ULK4: variants seen among roughly 807,000 people sequenced by gnomAD.
The protein encoded by ULK4 is inactive serine/threonine-protein kinase ULK4.
ULK4 carries 133 observed loss-of-function variants against 160.6 expected under a neutral mutation model. That is an observed-to-expected ratio of 0.83 (90% CI 0.72 to 0.96). ULK4 has a LOEUF of 0.96. Ranked by LOEUF, ULK4 falls within the 40% of genes least tolerant of loss-of-function variation. The pLI is 0.00. For synonymous variants in ULK4, 534 were observed against 539.8 expected (o/e 0.99, Z 0.15); for missense variants, 1,580 against 1,499.5 (o/e 1.05, Z -0.89).
chr3:41,474,248 T>C (rs1297082024), intron 32 of ULK4, among the ~76,000 whole-genome samples: 1 of 152,064 alleles, frequency 6.6e-6, no homozygotes, highest in Non-Finnish European at 1.5e-5. Flanking sequence ...CAAGAACATA[T>C]AATAGGGAAA....
chr3:41,513,032 A>G (rs2085640313), intron 32 of ULK4, among the ~76,000 whole-genome samples: 1 of 152,174 alleles, frequency 6.6e-6, no homozygotes, highest in Non-Finnish European at 1.5e-5. Context: ...GCAAACAAAA[A>G]AACAGAAAGT....
intron 27 of ULK4, among the ~76,000 whole-genome samples, chr3:41,702,830 AGTTTTTTTTGTTTGTTTTTTTTTGGTTTT>A (rs2036722611): frequency 1.3e-5 from 2 of 151,042 alleles, no homozygotes; most frequent in Non-Finnish European, 2.9e-5. Context: ...AAAATTAGTA[AGTTTTTTTTGTTTGTTTTTTTTTGGTTTT>A]GTTTTTTTTT....
At chr3:41,857,146 GCTGA>G (rs1282619252) in intron 17 of ULK4, among the ~76,000 whole-genome samples, 6 of 152,024 alleles carry the variant, frequency 3.9e-5, no homozygotes, top group East Asian at 3.9e-4. Context: ...CATAAACTAG[GCTGA>G]CTAACTTCTT....
At chr3:41,563,344 G>T (rs1393533717) in intron 32 of ULK4, among the ~76,000 whole-genome samples, 2 of 152,118 alleles carry the variant, frequency 1.3e-5, no homozygotes, top group Non-Finnish European at 2.9e-5. Context: ...TCTTGGGGTT[G>T]CTCTTCTCAA....
chr3:41,655,618 G>T (rs929427409), intron 30 of ULK4, among the ~76,000 whole-genome samples: 1 of 152,084 alleles, frequency 6.6e-6, no homozygotes, highest in Non-Finnish European at 1.5e-5. Flanking sequence ...AAGGCAGAAG[G>T]ATTGCTTGGG....
intron 30 of ULK4, among the ~76,000 whole-genome samples, chr3:41,632,642 G>A (rs527968207): frequency 3.6e-4 from 54 of 152,016 alleles, no homozygotes; most frequent in Admixed American, 6.6e-4. Context: ...AGTGCAACCC[G>A]TAATGACAAT....
intron 31 of ULK4, among the ~76,000 whole-genome samples, chr3:41,574,297 C>T (rs2088105665): frequency 6.6e-6 from 1 of 152,100 alleles, no homozygotes; most frequent in African/African-American, 2.4e-5. Context: ...CACAGCTTGC[C>T]CAGCCACCAG....
At chr3:41,471,820 C>A (rs934494464) in intron 32 of ULK4, among the ~76,000 whole-genome samples, 2 of 149,478 alleles carry the variant, frequency 1.3e-5, no homozygotes, top group Admixed American at 1.3e-4. Context: ...AATGGAGATA[C>A]AAAATTCTAA....
intron 35 of ULK4, among the ~76,000 whole-genome samples, chr3:41,360,774 A>G (rs2081127288): frequency 1.3e-5 from 2 of 152,110 alleles, no homozygotes; most frequent in African/African-American, 2.4e-5. Flanking sequence ...CAGAGGGTGA[A>G]GGCTGGAAGG....
At chr3:41,748,184 G>C (rs1007442208) in intron 22 of ULK4, among the ~76,000 whole-genome samples, 2 of 149,022 alleles carry the variant, frequency 1.3e-5, no homozygotes, top group Non-Finnish European at 3.0e-5. Context: ...ACACACCATA[G>C]AGACGTATAT....
At chr3:41,874,623 CG>C (rs1697229798) in intron 17 of ULK4, among the ~76,000 whole-genome samples, 1 of 152,108 alleles carries the variant, frequency 6.6e-6, no homozygotes, top group African/African-American at 2.4e-5. Context: ...ATCCAAATAT[CG>C]TATGTTCCCA....
intron 32 of ULK4, among the ~76,000 whole-genome samples, chr3:41,564,784 C>T (rs1245875706): frequency 1.3e-5 from 2 of 151,928 alleles, no homozygotes; most frequent in African/African-American, 2.4e-5. Context: ...TTTTATAAAT[C>T]GAGTGTAACC....
intron 25 of ULK4, among the ~76,000 whole-genome samples, chr3:41,710,994 C>T (rs1390375177): frequency 1.3e-5 from 2 of 152,030 alleles, no homozygotes; most frequent in Non-Finnish European, 2.9e-5. Flanking sequence ...GGTGGGCCGA[C>T]AAGCGGATGC....
chr3:41,932,951 C>T (rs1008980488), intron 4 of ULK4, among the ~76,000 whole-genome samples: 3 of 152,022 alleles, frequency 2.0e-5, no homozygotes, highest in Admixed American at 1.3e-4. Flanking sequence ...GGCTGAGGCA[C>T]GAGAATCGCT....
intron 30 of ULK4, among the ~76,000 whole-genome samples, chr3:41,641,732 T>C (rs961291280): frequency 1.3e-5 from 2 of 152,026 alleles, no homozygotes; most frequent in Non-Finnish European, 2.9e-5. Flanking sequence ...ATTTAGTAAA[T>C]TCTGAACATG....
chr3:41,735,045 A>C (rs748143911), intron 22 of ULK4, among the ~76,000 whole-genome samples: 2 of 152,206 alleles, frequency 1.3e-5, no homozygotes, highest in Admixed American at 6.5e-5. Context: ...ACCTGGCACA[A>C]AGGTCATGCT....
intron 30 of ULK4, among the ~76,000 whole-genome samples, chr3:41,646,175 GCATTTAGTC>G (rs1198805753): frequency 2.0e-5 from 3 of 152,060 alleles, no homozygotes; most frequent in Non-Finnish European, 4.4e-5. Context: ...TTTAATTGGG[GCATTTAGTC>G]CATTTACATT....
At chr3:41,274,027 T>C (rs771936223) in intron 35 of ULK4, among the ~76,000 whole-genome samples, 1 of 148,636 alleles carries the variant, frequency 6.7e-6, no homozygotes, top group Non-Finnish European at 1.5e-5. Flanking sequence ...GTCTCAGGTA[T>C]TTTTTTTTTA....
intron 31 of ULK4, among the ~76,000 whole-genome samples, chr3:41,571,112 C>T (rs187829639): frequency 6.6e-6 from 1 of 152,308 alleles, no homozygotes; most frequent in East Asian, 1.9e-4. Context: ...ATCCATAGAT[C>T]ATGAACTTTG....
Sources: gnomAD v4.1 joint callset for allele counts (sites outside exome capture counted in the v4.1 genomes callset) on GRCh38, gnomAD v4.1.1 for gene constraint, MANE v1.5 for transcripts, NCBI Gene and HGNC (gene_info 2026-07-23, HGNC 2026-07-21) for gene names.